The following PSD2 variants were observed in gnomAD, a reference collection of about 807,000 sequenced individuals.
PSD2 encodes PH and SEC7 domain-containing protein 2.
In PSD2, 38 loss-of-function variants were observed where a neutral mutation model predicts 69.8. The ratio of observed to expected loss-of-function variants is 0.54; its 90% CI spans 0.42 to 0.71. The LOEUF is 0.71. Ranked by LOEUF, PSD2 falls within the 30% of genes least tolerant of loss-of-function variation. The pLI, the probability that PSD2 is intolerant of heterozygous loss-of-function variation, is 0.00. For missense variants in PSD2, 943 were observed against 1,014.5 expected, an observed-to-expected ratio of 0.93 and a Z score of 0.96; for synonymous variants, 412 against 423.0, an observed-to-expected ratio of 0.97 and a Z score of 0.32.
intron 7 of PSD2, among the ~76,000 whole-genome samples, chr5:139,827,291 G>A (rs1284521244): frequency 6.6e-6 from 1 of 152,260 alleles, no homozygotes; most frequent in Non-Finnish European, 1.5e-5. Flanking sequence ...AGCAAACACA[G>A]GAACTGTGGC....
At position 139,795,867 on chromosome 5, in the gene PSD2, G is replaced by A. The variant is rs1759509329; in HGVS notation, c.-159G>A. On this transcript the variant is annotated 5_prime_UTR_variant, in exon 1 of 15. Transcript: ENST00000274710. The surrounding 1 kb of genome is among the most constrained non-coding windows in gnomAD (Gnocchi z 4.5). Reference sequence around the variant, plus strand: ...GCGGCTCCGGCACCTGAAGGGACGCGGGCGGGCGCGGGCAGCTCCGACCGG... The same window carrying A: ...GCGGCTCCGGCACCTGAAGGGACGCAGGCGGGCGCGGGCAGCTCCGACCGG... The A allele has an allele frequency of 6.6e-6, 1 of 151,408 alleles. No individual in the cohort carries two copies. The highest frequency in any genetic ancestry group is 2.4e-5 in the African/African-American group (1 of 41,332). The allele number at this position is 151,408 out of a possible 1,614,324, so 9.4% of individuals were successfully genotyped here. A position where few individuals can be genotyped will look rare whatever the true frequency, so the allele number is the denominator to read the frequency against.
At chr5:139,756,595 C>T in the PSD2 span, among the ~76,000 whole-genome samples, 1 of 152,084 alleles carries the variant, frequency 6.6e-6, no homozygotes, top group African/African-American at 2.4e-5. Context: ...GAGGGACCAG[C>T]TTGGGCACAG....
the PSD2 span, among the ~76,000 whole-genome samples, chr5:139,776,193 C>A: frequency 3.7e-4 from 57 of 152,234 alleles, no homozygotes; most frequent in African/African-American, 1.3e-3. Context: ...CTGGCTGAGC[C>A]CCTGGCCTGC....
At chr5:139,800,469 C>A (rs979872880) in intron 1 of PSD2, among the ~76,000 whole-genome samples, 3 of 151,970 alleles carry the variant, frequency 2.0e-5, no homozygotes, top group African/African-American at 7.3e-5. Context: ...ACTATGTTGC[C>A]AGAGCTGGTC....
chr5:139,838,768 G>C lies in PSD2; in HGVS notation c.1964G>C (p.Cys655Ser), dbSNP rs935614765. The change falls in exon 13 of 15, where the codon TGC (cysteine) becomes TCC (serine). Residue 655 changes from cysteine to serine, a missense_variant. This residue lies in a region of PSD2 where 165 missense variants were observed against 168.8 expected (regional missense o/e 0.98). Transcript: ENST00000274710. ...PLLPSCTTRLCQEEQLRSHEN... is the reference protein window; with the variant it reads ...PLLPSCTTRLSQEEQLRSHEN... ...CTGCCCTCCTGCACCACCCGCCTCT[G>C]CCAGGTACATGTTCCTGGGTCAACA... The C allele has an allele frequency of 3.7e-6, 6 of 1,611,754 alleles. No homozygotes were observed. The highest frequency in any genetic ancestry group is 5.1e-6 in the Non-Finnish European group (6 of 1,178,910).
At chr5:139,760,779 G>A in the PSD2 span, among the ~76,000 whole-genome samples, 1 of 152,172 alleles carries the variant, frequency 6.6e-6, no homozygotes, top group Admixed American at 6.5e-5. Context: ...CAATGTGAGG[G>A]GGAATGGCTC....
At chr5:139,817,372 G>C in intron 4 of PSD2, 109 bp from the exon 5 acceptor site, 2 of 881,606 alleles carry the variant, frequency 2.3e-6, no homozygotes, top group Non-Finnish European at 3.7e-6. Flanking sequence ...GGTTGAGCAG[G>C]TCTAGGGGGT....
chr5:139,818,962 T>G (rs1760190297), intron 5 of PSD2, among the ~76,000 whole-genome samples: 1 of 152,250 alleles, frequency 6.6e-6, no homozygotes, highest in Non-Finnish European at 1.5e-5. Context: ...TTCCCTCTCT[T>G]TTTTTGAACA....
the PSD2 span, among the ~76,000 whole-genome samples, chr5:139,771,782 G>A: frequency 6.6e-6 from 1 of 152,180 alleles, no homozygotes; most frequent in Non-Finnish European, 1.5e-5. Context: ...AGGGTCTGGG[G>A]CAGTGTAGCG....
In PSD2 at chr5:139,809,519, G is replaced by C. The variant is rs1251344516; in HGVS notation, c.79G>C (p.Glu27Gln). 1 of 1,613,054 alleles carries C rather than the reference G, an allele frequency of 6.2e-7. No homozygotes were observed. Among genetic ancestry groups the C allele is most frequent in the Non-Finnish European group, 8.5e-7 (1 of 1,179,558 alleles). Reference sequence around the variant, plus strand: ...TGACCCCGGTCCAGAGCCTGAAGAGGAGCCAGGGGTCCGGAATGGGATGGC... The same window carrying C: ...TGACCCCGGTCCAGAGCCTGAAGAGCAGCCAGGGGTCCGGAATGGGATGGC... ...TRDPGPEPEE[E>Q]PGVRNGMASE... Residue 27 changes from glutamate to glutamine, a missense_variant, in exon 2 of 15, where the codon GAG (glutamate) becomes CAG (glutamine). By Grantham distance (29) the Glu-to-Gln change is conservative. Coordinates refer to ENST00000274710, the MANE Select transcript of PSD2 (RefSeq NM_032289.4).
chr5:139,830,521 T>TTC, intron 7 of PSD2, among the ~76,000 whole-genome samples: 1 of 97,028 alleles, frequency 1.0e-5, no homozygotes, highest in African/African-American at 4.7e-5. Context: ...CAGCTAATTT[T>TTC]CTTCCTTCCT....
At chr5:139,744,605 C>CGGG in the PSD2 span, among the ~76,000 whole-genome samples, 1 of 152,022 alleles carries the variant, frequency 6.6e-6, no homozygotes, top group African/African-American at 2.4e-5. Flanking sequence ...GTGGCAGCGG[C>CGGG]GGGGGTGGGG....
intron 5 of PSD2, among the ~76,000 whole-genome samples, chr5:139,818,869 A>G (rs992699128): frequency 3.9e-5 from 6 of 152,148 alleles, no homozygotes; most frequent in African/African-American, 1.4e-4. Flanking sequence ...CATTTCTAGA[A>G]TTTCCATTTT....
Position 139,809,592 on chromosome 5 carries a change from G to T in PSD2, c.152G>T (p.Arg51Met), listed in dbSNP as rs3797902. The T allele has an allele frequency of 2.0e-5, 33 of 1,614,128 alleles. No individual in the cohort carries two copies. The East Asian group carries it at 7.4e-4, about 36-fold the overall frequency. Residue 51 changes from arginine to methionine, a missense_variant, in exon 2 of 15, where the codon AGG (arginine) becomes ATG (methionine). Transcript: ENST00000274710. ...SSLCSPGHERRGTPADTEEPT... is the reference protein window; with the variant it reads ...SSLCSPGHERMGTPADTEEPT... ...CTCTGCAGCCCAGGGCACGAGCGAA[G>T]GGGCACCCCAGCGGACACTGAGGAA...
intron 6 of PSD2, 58 bp downstream of exon 6, chr5:139,822,063 C>A: frequency 9.0e-7 from 1 of 1,112,208 alleles, no homozygotes; most frequent in Non-Finnish European, 1.3e-6. Context: ...AGGCCCTGGT[C>A]CCCTCCCATC....
chr5:139,784,937 T>G, the PSD2 span, among the ~76,000 whole-genome samples: 1 of 152,016 alleles, frequency 6.6e-6, no homozygotes, highest in Non-Finnish European at 1.5e-5. Flanking sequence ...TTTTGTATTT[T>G]TAGTAGAGAC....
the PSD2 span, among the ~76,000 whole-genome samples, chr5:139,764,641 G>A: frequency 6.6e-6 from 1 of 152,304 alleles, no homozygotes; most frequent in African/African-American, 2.4e-5. Flanking sequence ...AGGAGGCCGA[G>A]CCTGGCAGCC....
chr5:139,830,560 TCC>T (rs1491123874), intron 7 of PSD2, among the ~76,000 whole-genome samples: 56 of 137,742 alleles, frequency 4.1e-4, no homozygotes, highest in African/African-American at 1.6e-3. Flanking sequence ...CTTCCTTCCT[TCC>T]TTCCTTTCTT....
chr5:139,808,063 T>G (rs909011203), intron 1 of PSD2, among the ~76,000 whole-genome samples: 4 of 152,204 alleles, frequency 2.6e-5, no homozygotes, highest in Non-Finnish European at 4.4e-5. Flanking sequence ...GGGCAGCCAG[T>G]GCCTCTCTTG....
Sources: gnomAD v4.1 joint callset for allele counts (sites outside exome capture counted in the v4.1 genomes callset) on GRCh38, gnomAD v4.1.1 for gene constraint, gnomAD v4.1.1 regional missense constraint, Gnocchi (gnomAD v3.1) non-coding constraint, MANE v1.5 for transcripts, NCBI Gene and HGNC (gene_info 2026-07-23, HGNC 2026-07-21) for gene names.